RNF38: variants seen among roughly 807,000 people sequenced by gnomAD.
RNF38 encodes the protein E3 ubiquitin-protein ligase RNF38.
Under a neutral mutation model 67.2 loss-of-function variants are expected in RNF38, and 15 were observed. The observed-to-expected ratio is 0.22, with a 90% confidence interval of 0.15 to 0.34. The LOEUF is 0.34. Ranked by LOEUF, RNF38 falls within the 10% of genes least tolerant of loss-of-function variation. The pLI, the probability that RNF38 is intolerant of heterozygous loss-of-function variation, is 1.00. For missense variants in RNF38, 524 were observed against 639.9 expected (o/e 0.82, Z 1.95); for synonymous variants, 220 against 218.8 (o/e 1.01, Z -0.05).
intron 1 of RNF38, among the ~76,000 whole-genome samples, chr9:36,439,359 T>C (rs1189084175): frequency 6.6e-6 from 1 of 152,204 alleles, no homozygotes; most frequent in Non-Finnish European, 1.5e-5. Context: ...CTGTGAAACC[T>C]TAGATCTTGA....
chr9:36,472,724 C>G (rs1003827340), intron 1 of RNF38, among the ~76,000 whole-genome samples: 3 of 152,148 alleles, frequency 2.0e-5, no homozygotes, highest in African/African-American at 7.2e-5. Context: ...TGTTTAAGTG[C>G]CCAAACAAGC....
rs1477217222 is a variant in RNF38, at chr9:36,336,547, ATCAAGCCT to A, written c.*3197_*3204del. On this transcript the variant is annotated 3_prime_UTR_variant, in exon 12 of 12. Transcript: ENST00000259605. Reference sequence around the variant, plus strand: ...AATGTACAAACTTTGTTAAAAATTTATCAAGCCTTCAAATGATTTGGTTACAGATATTT... The same window carrying A: ...AATGTACAAACTTTGTTAAAAATTTATCAAATGATTTGGTTACAGATATTT... The A allele has an allele frequency of 1.3e-5, 2 of 152,638 alleles. No individual in the cohort carries two copies. The highest frequency in any genetic ancestry group is 4.8e-5 in the African/African-American group (2 of 41,456). 9.5% of individuals were successfully genotyped at this position (152,638 alleles called of 1,614,324 possible). A position where few individuals can be genotyped will look rare whatever the true frequency, so the allele number is the denominator to read the frequency against.
At chr9:36,453,976 G>T (rs1273790267) in intron 1 of RNF38, among the ~76,000 whole-genome samples, 1 of 152,180 alleles carries the variant, frequency 6.6e-6, no homozygotes, top group Non-Finnish European at 1.5e-5. Context: ...AAGTGGAGAT[G>T]CATAAAATTG....
chr9:36,369,248 T>A (rs147758386), intron 4 of RNF38, among the ~76,000 whole-genome samples: 1 of 152,362 alleles, frequency 6.6e-6, no homozygotes, highest in East Asian at 1.9e-4. Flanking sequence ...ATCCTTTTTT[T>A]TAATTTTTTG....
chr9:36,355,673 G>C (rs1564004232), intron 6 of RNF38, among the ~76,000 whole-genome samples: 1 of 152,086 alleles, frequency 6.6e-6, no homozygotes, highest in Non-Finnish European at 1.5e-5. Flanking sequence ...CTTTTCTTCA[G>C]ATTTACTTCC....
At chr9:36,421,101 GTTAAAAGTGAGAAAAC>G (rs1838613334) in intron 2 of RNF38, among the ~76,000 whole-genome samples, 1 of 152,160 alleles carries the variant, frequency 6.6e-6, no homozygotes, top group Non-Finnish European at 1.5e-5. Flanking sequence ...ACATGGATTA[GTTAAAAGTGAGAAAAC>G]TTATAAGAAA....
At chr9:36,394,938 A>C (rs1036020379) in intron 1 of RNF38, among the ~76,000 whole-genome samples, 2 of 152,194 alleles carry the variant, frequency 1.3e-5, no homozygotes, top group African/African-American at 4.8e-5. Flanking sequence ...GCTTTCTCCC[A>C]GAATGCAACC....
intron 2 of RNF38, among the ~76,000 whole-genome samples, chr9:36,416,769 T>TC (rs1297058270): frequency 7.0e-6 from 1 of 142,222 alleles, no homozygotes; most frequent in East Asian, 2.0e-4. Context: ...TTTTTTTTTT[T>TC]TGAGACAGAG....
chr9:36,365,805 A>G (rs1373950374), intron 4 of RNF38, among the ~76,000 whole-genome samples: 1 of 150,986 alleles, frequency 6.6e-6, no homozygotes, highest in Non-Finnish European at 1.5e-5. Context: ...AGCTGGGACT[A>G]CAGGTGCGCG....
intron 4 of RNF38, among the ~76,000 whole-genome samples, chr9:36,362,556 A>AC (rs1184338664): frequency 2.0e-5 from 3 of 150,406 alleles, no homozygotes; most frequent in African/African-American, 7.3e-5. Flanking sequence ...TCCCCCAACG[A>AC]CCCCCTCCAA....
chr9:36,418,426 G>A (rs963481750), intron 2 of RNF38, among the ~76,000 whole-genome samples: 1 of 151,904 alleles, frequency 6.6e-6, no homozygotes, highest in South Asian at 2.1e-4. Flanking sequence ...ACCAAAGCAG[G>A]TGGATCACTT....
intron 1 of RNF38, among the ~76,000 whole-genome samples, chr9:36,430,402 G>C (rs569305796): frequency 6.6e-6 from 1 of 152,138 alleles, no homozygotes; most frequent in Admixed American, 6.5e-5. Flanking sequence ...GACGGGTTTT[G>C]CCATGTTCGT....
In RNF38 at chr9:36,339,694, A is replaced by T; in HGVS notation, c.*58T>A. 1 of 1,349,570 alleles carries T rather than the reference A, an allele frequency of 7.4e-7. No individual in the cohort carries two copies. The highest frequency in any genetic ancestry group is 1.1e-6 in the Non-Finnish European group (1 of 949,398). 83.6% of individuals were successfully genotyped at this position (1,349,570 alleles called of 1,614,324 possible). On this transcript the variant is annotated 3_prime_UTR_variant, in exon 12 of 12. Coordinates refer to ENST00000259605, the MANE Select transcript of RNF38 (RefSeq NM_022781.5). The stretch of plus-strand genomic sequence containing the variant: ...GCCACACAGATTAAGTTCAATGGAT[A>T]GTCCGTATATACATGTGATGAGGAA...
intron 2 of RNF38, among the ~76,000 whole-genome samples, chr9:36,379,738 G>A (rs1165628753): frequency 6.6e-6 from 1 of 152,198 alleles, no homozygotes; most frequent in Non-Finnish European, 1.5e-5. Flanking sequence ...CAAGAAGTCA[G>A]AGGGCTCCGA....
chr9:36,377,145 C>CA (rs1835851539), intron 2 of RNF38, among the ~76,000 whole-genome samples: 1 of 152,104 alleles, frequency 6.6e-6, no homozygotes, highest in African/African-American at 2.4e-5. Context: ...CCACCTGACT[C>CA]AATTTCCCAA....
intron 3 of RNF38, among the ~76,000 whole-genome samples, chr9:36,374,098 T>A: frequency 6.6e-6 from 1 of 152,226 alleles, no homozygotes; most frequent in East Asian, 1.9e-4. Flanking sequence ...TTATTATATT[T>A]AATAGCTATA....
intron 2 of RNF38, among the ~76,000 whole-genome samples, chr9:36,418,834 A>C (rs932014621): frequency 2.0e-4 from 30 of 151,548 alleles, no homozygotes; most frequent in African/African-American, 7.3e-4. Flanking sequence ...GTGGTGGTGC[A>C]TGCCTGTAAT....
chr9:36,397,032 CGTATATACGTATATACACATGTATATAT>C (rs1837568692), intron 1 of RNF38, among the ~76,000 whole-genome samples: 1 of 142,930 alleles, frequency 7.0e-6, no homozygotes, highest in African/African-American at 2.6e-5. Flanking sequence ...TGTGTATATA[CGTATATACGTATATACACATGTATATAT>C]ACGTATATAT....
chr9:36,383,446 T>C (rs1310933723), intron 2 of RNF38, among the ~76,000 whole-genome samples: 2 of 152,188 alleles, frequency 1.3e-5, no homozygotes, highest in African/African-American at 4.8e-5. Flanking sequence ...CACTTCAGCC[T>C]CCCAAAGTGC....
Sources: allele counts gnomAD v4.1 joint callset (sites outside exome capture counted in the v4.1 genomes callset), GRCh38; gene constraint gnomAD v4.1.1; transcripts MANE v1.5; gene names NCBI Gene and HGNC (gene_info 2026-07-23, HGNC 2026-07-21).